ZFHX3: variants seen among roughly 807,000 people sequenced by gnomAD.
ZFHX3 encodes the protein zinc finger homeobox 3.
ZFHX3 carries 42 observed loss-of-function variants against 279.1 expected under a neutral mutation model. That is an observed-to-expected ratio of 0.15 (90% CI 0.12 to 0.19). The LOEUF (loss-of-function observed/expected upper bound fraction) is 0.19. ZFHX3 is among the 10% of genes least tolerant of loss of function. The pLI, the probability that ZFHX3 is intolerant of heterozygous loss-of-function variation, is 1.00. For synonymous variants in ZFHX3, 2,293 were observed against 1,957.8 expected (o/e 1.17, Z -4.52); for missense variants, 4,981 against 4,754.0 (o/e 1.05, Z -1.40).
chr16:73,864,111 T>C (rs1229613272), intron 1 of ZFHX3, among the ~76,000 whole-genome samples: 1 of 152,218 alleles, frequency 6.6e-6, no homozygotes, highest in Non-Finnish European at 1.5e-5. Context: ...ACCTGCCTAA[T>C]AGATTATTGG....
intron 6 of ZFHX3, among the ~76,000 whole-genome samples, chr16:73,133,221 C>T (rs1966725775): frequency 6.6e-6 from 1 of 152,138 alleles, no homozygotes; most frequent in African/African-American, 2.4e-5. Context: ...GAGATAAGAC[C>T]TTTAAAGAGG....
chr16:72,933,879 C>T (rs1368747047), intron 3 of ZFHX3, among the ~76,000 whole-genome samples: 3 of 141,192 alleles, frequency 2.1e-5, no homozygotes, highest in Non-Finnish European at 3.0e-5. Context: ...AGTGCAGTGT[C>T]GCGATCTCGG....
intron 1 of ZFHX3, among the ~76,000 whole-genome samples, chr16:73,688,115 G>A (rs1461912846): frequency 6.6e-6 from 1 of 151,922 alleles, no homozygotes; most frequent in Non-Finnish European, 1.5e-5. Context: ...CCAGCACTTT[G>A]GGAGGCTGAG....
At chr16:73,011,100 G>C (rs543562119) in intron 1 of ZFHX3, among the ~76,000 whole-genome samples, 1 of 152,194 alleles carries the variant, frequency 6.6e-6, no homozygotes, top group Non-Finnish European at 1.5e-5. Flanking sequence ...TCCCACCTCA[G>C]CCTCCCCAGT....
intron 3 of ZFHX3, among the ~76,000 whole-genome samples, chr16:72,896,941 T>C (rs771901879): frequency 6.6e-6 from 1 of 152,240 alleles, no homozygotes; most frequent in Non-Finnish European, 1.5e-5. Context: ...GACACACCCG[T>C]GGCCGCCCTC....
At chr16:72,822,753 G>T in intron 5 of ZFHX3, among the ~76,000 whole-genome samples, 1 of 145,572 alleles carries the variant, frequency 6.9e-6, no homozygotes. Flanking sequence ...ATTATACTGT[G>T]TCATAATTGT....
chr16:73,069,075 C>T (rs1422232028), intron 8 of ZFHX3, among the ~76,000 whole-genome samples: 1 of 152,170 alleles, frequency 6.6e-6, no homozygotes, highest in Non-Finnish European at 1.5e-5. Context: ...CTGATGCTGC[C>T]CAAGTATGAG....
At chr16:73,054,762 G>A (rs1310786070) in intron 1 of ZFHX3, among the ~76,000 whole-genome samples, 2 of 151,986 alleles carry the variant, frequency 1.3e-5, no homozygotes, top group African/African-American at 2.4e-5. Context: ...TAATTTAAAG[G>A]CATATATATA....
intron 3 of ZFHX3, among the ~76,000 whole-genome samples, chr16:72,914,849 G>A (rs775016398): frequency 6.6e-6 from 1 of 152,072 alleles, no homozygotes; most frequent in Non-Finnish European, 1.5e-5. Context: ...AAATTAGTTG[G>A]GTGTGATGGT....
At chr16:73,779,843 G>A (rs370612121) in intron 1 of ZFHX3, among the ~76,000 whole-genome samples, 18 of 152,026 alleles carry the variant, frequency 1.2e-4, no homozygotes, top group South Asian at 2.1e-4. Context: ...TCAGCCTCCC[G>A]AGTAACTGGG....
intron 1 of ZFHX3, among the ~76,000 whole-genome samples, chr16:73,712,088 G>C (rs1029694190): frequency 9.2e-5 from 14 of 152,182 alleles, no homozygotes; most frequent in Non-Finnish European, 1.5e-4. Flanking sequence ...GGAGGATGGA[G>C]AGATGAGGGA....
intron 1 of ZFHX3, among the ~76,000 whole-genome samples, chr16:73,696,444 A>G (rs955056947): frequency 6.6e-6 from 1 of 152,162 alleles, no homozygotes; most frequent in Non-Finnish European, 1.5e-5. Context: ...TGTTGGGATA[A>G]CCTTGAGCCA....
At chr16:72,917,341 C>T (rs1326984120) in intron 3 of ZFHX3, among the ~76,000 whole-genome samples, 3 of 152,084 alleles carry the variant, frequency 2.0e-5, no homozygotes. Flanking sequence ...CCATAAACAG[C>T]AAAAGATAAT....
intron 2 of ZFHX3, among the ~76,000 whole-genome samples, chr16:73,633,402 G>C (rs1027102684): frequency 1.3e-5 from 2 of 152,170 alleles, no homozygotes; most frequent in Non-Finnish European, 2.9e-5. Context: ...ATTAATAAAT[G>C]TGTAAGAAAC....
At chr16:73,181,090 GTTTTGTTTTGT>G (rs1567411721) in intron 5 of ZFHX3, among the ~76,000 whole-genome samples, 2 of 137,418 alleles carry the variant, frequency 1.5e-5, no homozygotes, top group Non-Finnish European at 3.2e-5. Context: ...TGTTTGTTTT[GTTTTGTTTTGT>G]TTTGTTTTGT....
intron 8 of ZFHX3, 126 bp downstream of exon 8, chr16:72,799,901 C>A (rs1312023816): frequency 6.2e-6 from 5 of 811,554 alleles, no homozygotes; most frequent in Non-Finnish European, 1.0e-5. Context: ...GACAGTGCCC[C>A]TCATCTCCTG....
intron 6 of ZFHX3, among the ~76,000 whole-genome samples, chr16:73,133,984 T>C (rs950122625): frequency 6.6e-6 from 1 of 152,200 alleles, no homozygotes; most frequent in Non-Finnish European, 1.5e-5. Flanking sequence ...CGATACTTAT[T>C]ATGTGCCAAA....
rs760612924 is a variant in ZFHX3 at position 72,957,709 on chromosome 16, T to C, written c.2437A>G (p.Thr813Ala). The C allele has an allele frequency of 6.2e-7, 1 of 1,614,016 alleles. No individual in the cohort carries two copies. Among genetic ancestry groups the C allele is most frequent in the Non-Finnish European group, 8.5e-7 (1 of 1,180,026 alleles). Residue 813 changes from threonine to alanine, a missense_variant, in exon 2 of 10, where the codon ACC becomes GCC. Thr to Ala is a moderately conservative substitution (Grantham distance 58). Around this residue, in one of 7 missense-constraint regions of ZFHX3, gnomAD observed 1,751 missense variants for 1,770.0 expected, o/e 0.99. Transcript: ENST00000268489. The stretch of plus-strand genomic sequence containing the variant: ...ATGCGGAGGTTCCTGGCCACGTTGG[T>C]CTCATAATCACACACCTCGCACCGC... ...TWRCEVCDYE[T>A]NVARNLRIHM... is the part of the protein sequence containing the mutation.
At chr16:73,129,625 TGTGTGC>T (rs1263919638) in intron 7 of ZFHX3, among the ~76,000 whole-genome samples, 1 of 151,130 alleles carries the variant, frequency 6.6e-6, no homozygotes, top group African/African-American at 2.5e-5. Context: ...TGCATGCAGA[TGTGTGC>T]GTGTGTGCGT....
Sources: gnomAD v4.1 joint callset for allele counts (sites outside exome capture counted in the v4.1 genomes callset) on GRCh38, gnomAD v4.1.1 for gene constraint, gnomAD v4.1.1 regional missense constraint, MANE v1.5 for transcripts, NCBI Gene and HGNC (gene_info 2026-07-23, HGNC 2026-07-21) for gene names.